Variants in GRIA2 observed in about 807,000 individuals in gnomAD.
GRIA2 encodes the protein glutamate ionotropic receptor AMPA type subunit 2.
In GRIA2, 14 loss-of-function variants were observed where a neutral mutation model predicts 97.3. The ratio of observed to expected loss-of-function variants is 0.14; its 90% CI spans 0.10 to 0.23. The LOEUF (loss-of-function observed/expected upper bound fraction) is 0.23. GRIA2 is among the 10% of genes least tolerant of loss of function. The pLI is 1.00. For missense variants in GRIA2, 558 were observed against 1,069.8 expected, an observed-to-expected ratio of 0.52 and a Z score of 6.67; for synonymous variants, 412 against 387.8, an observed-to-expected ratio of 1.06 and a Z score of -0.73.
Position 157,299,591 on chromosome 4 carries a change from C to T in GRIA2, c.230-3961C>T, listed in dbSNP as rs147877417. On this transcript the variant is annotated intron_variant, in intron 2 of 15. Transcript: ENST00000264426. The stretch of plus-strand genomic sequence containing the variant: ...TGTATCATGTATGCTACATTAGCAG[C>T]ACCAATGAGCAGAGTGACCTAAGAG... 5.8e-4 allele frequency among the ~76,000 whole-genome samples: 89 copies of T among 152,240 alleles called. No homozygotes were observed. In the South Asian group the frequency reaches 6.4e-3, roughly 11 times the overall value.
At chr4:157,266,499 T>A (rs944558156) in intron 2 of GRIA2, among the ~76,000 whole-genome samples, 8 of 151,996 alleles carry the variant, frequency 5.3e-5, no homozygotes, top group Non-Finnish European at 1.2e-4. Context: ...GTTATGAGGA[T>A]CTCTGTGGAA....
intron 15 of GRIA2, 101 bp from the exon 16 acceptor site, chr4:157,363,334 G>C (rs1736720071): frequency 1.4e-6 from 1 of 708,160 alleles, no homozygotes; most frequent in Non-Finnish European, 2.0e-6. Flanking sequence ...CTTTCAGATA[G>C]AAGTAAACTT....
intron 6 of GRIA2, among the ~76,000 whole-genome samples, chr4:157,327,107 T>A (rs1202048190): frequency 6.6e-6 from 1 of 152,148 alleles, no homozygotes; most frequent in Non-Finnish European, 1.5e-5. Context: ...TCATAGGTAA[T>A]ATACTGATAT....
At chr4:157,221,603 G>GCGCC in intron 1 of GRIA2, 64 bp from the exon 2 acceptor site, 6 of 1,545,142 alleles carry the variant, frequency 3.9e-6, no homozygotes, top group Non-Finnish European at 4.4e-6. Flanking sequence ...GCGCTAGCGC[G>GCGCC]CGCCCCTCCT....
At chr4:157,270,873 C>T (rs1731990528) in intron 2 of GRIA2, among the ~76,000 whole-genome samples, 1 of 150,408 alleles carries the variant, frequency 6.6e-6, no homozygotes, top group Non-Finnish European at 1.5e-5. Flanking sequence ...GAAAGACTCT[C>T]AATTCAGTTG....
intron 2 of GRIA2, among the ~76,000 whole-genome samples, chr4:157,243,612 A>C (rs1730601066): frequency 6.6e-6 from 1 of 152,138 alleles, no homozygotes; most frequent in Admixed American, 6.6e-5. Context: ...TCTAAGCAAC[A>C]ATTTTTGTGA....
intron 3 of GRIA2, 43 bp from the exon 4 acceptor site, chr4:157,312,636 T>A: frequency 9.2e-7 from 1 of 1,092,162 alleles, no homozygotes; most frequent in South Asian, 1.6e-5. Flanking sequence ...TCCTGAGTTA[T>A]TCACGTATCT....
chr4:157,258,813 C>A (rs1045644842), intron 2 of GRIA2, among the ~76,000 whole-genome samples: 3 of 151,988 alleles, frequency 2.0e-5, no homozygotes, highest in Non-Finnish European at 4.4e-5. Context: ...GAGCAGCCGA[C>A]ACTTAGGGAA....
At chr4:157,262,539 G>C (rs938598404) in intron 2 of GRIA2, among the ~76,000 whole-genome samples, 5 of 151,976 alleles carry the variant, frequency 3.3e-5, no homozygotes, top group African/African-American at 1.2e-4. Context: ...GAGGGCATCA[G>C]GAATGAATTT....
chr4:157,357,943 A>T (rs1736464903), intron 12 of GRIA2, among the ~76,000 whole-genome samples: 1 of 152,154 alleles, frequency 6.6e-6, no homozygotes, highest in Non-Finnish European at 1.5e-5. Flanking sequence ...TTCATATTTC[A>T]TGTAATATTT....
chr4:157,356,147 A>G (rs1310390382), intron 12 of GRIA2, among the ~76,000 whole-genome samples: 1 of 125,944 alleles, frequency 7.9e-6, no homozygotes, highest in African/African-American at 3.0e-5. Context: ...ATATATTTAT[A>G]TTTATTTATT....
At chr4:157,323,950 C>T (rs1037382539) in intron 6 of GRIA2, among the ~76,000 whole-genome samples, 19 of 152,048 alleles carry the variant, frequency 1.2e-4, no homozygotes, top group Non-Finnish European at 2.8e-4. Context: ...TTTCAGAGAA[C>T]CTAGACTAAT....
At position 157,336,752 on chromosome 4, in the gene GRIA2, G is replaced by A; in HGVS notation, c.1844+5G>A. 6.2e-7 allele frequency: 1 copy of A among 1,607,090 alleles called. No individual in the cohort carries two copies. The highest frequency in any genetic ancestry group is 8.5e-7 in the Non-Finnish European group (1 of 1,176,198). ...AGGATGCGATATTTCGCCAAGGTTG[G>A]TTACTCACCTGCTTCAACTTTGTGC... On this transcript the variant is annotated splice_donor_5th_base_variant and intron_variant, in intron 11 of 15. Transcript: ENST00000264426.
intron 2 of GRIA2, among the ~76,000 whole-genome samples, chr4:157,292,795 G>T (rs1323095619): frequency 6.6e-6 from 1 of 152,202 alleles, no homozygotes; most frequent in East Asian, 1.9e-4. Context: ...GAGTCAGGCT[G>T]CCTGGGTTGA....
At chr4:157,293,750 A>G (rs1385172924) in intron 2 of GRIA2, among the ~76,000 whole-genome samples, 3 of 152,100 alleles carry the variant, frequency 2.0e-5, no homozygotes, top group Admixed American at 6.6e-5. Context: ...GTTTCACACC[A>G]TCAGTTGTAA....
intron 12 of GRIA2, among the ~76,000 whole-genome samples, chr4:157,350,938 T>C (rs1368931302): frequency 6.6e-6 from 1 of 150,636 alleles, no homozygotes; most frequent in African/African-American, 2.4e-5. Flanking sequence ...TTTCTTTTTT[T>C]TTTTTTTTTT....
chr4:157,333,413 A>G (rs1735146389), intron 8 of GRIA2, 60 bp downstream of exon 8: 3 of 754,616 alleles, frequency 4.0e-6, no homozygotes, highest in Admixed American at 5.3e-5. Flanking sequence ...CTAGCCTATG[A>G]GTTCACCCTT....
rs112452758 is a variant in GRIA2 at position 157,301,124 on chromosome 4, G to T, written c.230-2428G>T. Among the ~76,000 whole-genome samples, 211 of 152,274 alleles carry T rather than the reference G, an allele frequency of 1.4e-3. 1 individual carries two copies. Among genetic ancestry groups the T allele is most frequent in the African/African-American group, 5.0e-3 (206 of 41,568 alleles). On this transcript the variant is annotated intron_variant, in intron 2 of 15. Transcript: ENST00000264426. ...AAATGGAATTAAATAGACCCAGAGA[G>T]AATTTTATAGCAAGTCTTTCTTTTA...
chr4:157,241,689 G>A (rs1730519308), intron 2 of GRIA2, among the ~76,000 whole-genome samples: 1 of 152,006 alleles, frequency 6.6e-6, no homozygotes, highest in South Asian at 2.1e-4. Flanking sequence ...ATCCACTTCT[G>A]AGATTGCCTT....
Sources: gnomAD v4.1 joint callset for allele counts (sites outside exome capture counted in the v4.1 genomes callset) on GRCh38, gnomAD v4.1.1 for gene constraint, MANE v1.5 for transcripts, NCBI Gene and HGNC (gene_info 2026-07-23, HGNC 2026-07-21) for gene names.